Variants in GTF2F2 observed in about 807,000 individuals in gnomAD.
GTF2F2 encodes ATP-dependent helicase GTF2F2.
In GTF2F2, 23 loss-of-function variants were observed where a neutral mutation model predicts 42.2. The ratio of observed to expected loss-of-function variants is 0.55; its 90% CI spans 0.39 to 0.77. The LOEUF is 0.77. Ranked by LOEUF, GTF2F2 falls within the 30% of genes least tolerant of loss-of-function variation. The probability of loss-of-function intolerance (pLI) is 0.00; values close to 1 mark genes in which losing one functional copy is unlikely to be tolerated. For missense variants in GTF2F2, 261 were observed against 287.2 expected (o/e 0.91, Z 0.66); for synonymous variants, 105 against 100.8 (o/e 1.04, Z -0.25).
intron 4 of GTF2F2, among the ~76,000 whole-genome samples, chr13:45,184,074 G>A (rs1264169758): frequency 6.6e-6 from 1 of 151,892 alleles, no homozygotes; most frequent in Non-Finnish European, 1.5e-5. Flanking sequence ...GGCCAGGCTG[G>A]TCTTGAACTC....
intron 4 of GTF2F2, among the ~76,000 whole-genome samples, chr13:45,185,787 G>T (rs533153992): frequency 6.6e-6 from 1 of 152,012 alleles, no homozygotes; most frequent in East Asian, 1.9e-4. Flanking sequence ...TCTTCTGTTT[G>T]GTGTCTCTCT....
intron 5 of GTF2F2, among the ~76,000 whole-genome samples, chr13:45,232,922 T>C (rs1874760675): frequency 6.6e-6 from 1 of 152,242 alleles, no homozygotes; most frequent in Non-Finnish European, 1.5e-5. Flanking sequence ...TTCATGGTTA[T>C]AGTGTTTACA....
At chr13:45,230,365 G>A (rs1874613524) in intron 5 of GTF2F2, among the ~76,000 whole-genome samples, 1 of 152,184 alleles carries the variant, frequency 6.6e-6, no homozygotes, top group Non-Finnish European at 1.5e-5. Context: ...GGAAAGGGTG[G>A]TTGGAGGAGA....
At chr13:45,145,508 C>T (rs1870147880) in intron 2 of GTF2F2, among the ~76,000 whole-genome samples, 6 of 152,120 alleles carry the variant, frequency 3.9e-5, no homozygotes, top group Admixed American at 3.9e-4. Flanking sequence ...AGCATATGTA[C>T]ACACACACAT....
At position 45,262,902 on chromosome 13, in the gene GTF2F2, A is replaced by G. The variant is rs927805375; in HGVS notation, c.487-4331A>G. Among the ~76,000 whole-genome samples, 6 of 151,082 alleles carry G rather than the reference A, an allele frequency of 4.0e-5. No homozygotes were observed. The East Asian group carries it at 1.2e-3, about 30-fold the overall frequency. ...TGGGACTACAGGCTCGTTCATGGCT[A>G]ATTTTGTAGAGATGGGTCTCACTTT... On this transcript the variant is annotated intron_variant, in intron 6 of 7. Coordinates refer to ENST00000340473, the MANE Select transcript of GTF2F2 (RefSeq NM_004128.3).
chr13:45,198,283 C>T lies in GTF2F2; in HGVS notation c.305-9141C>T, dbSNP rs147805587. ...ATGGGAAATGAGGTCTTTGTCATCCCGTGATTGATGCAGGACATCATTGTA... is the reference window on the plus strand; with the variant it reads ...ATGGGAAATGAGGTCTTTGTCATCCTGTGATTGATGCAGGACATCATTGTA... On this transcript the variant is annotated intron_variant, in intron 4 of 7. Coordinates refer to ENST00000340473, the MANE Select transcript of GTF2F2 (RefSeq NM_004128.3). Among the ~76,000 whole-genome samples the T allele has an allele frequency of 1.7e-3, 260 of 152,312 alleles. 1 individual carries two copies. Among genetic ancestry groups the T allele is most frequent in the African/African-American group, 5.9e-3 (247 of 41,566 alleles).
At chr13:45,219,813 T>C (rs1288631284) in intron 5 of GTF2F2, among the ~76,000 whole-genome samples, 2 of 152,240 alleles carry the variant, frequency 1.3e-5, no homozygotes, top group Non-Finnish European at 1.5e-5. Context: ...CTTGAAAGCC[T>C]CAAAATGTCT....
At chr13:45,225,437 A>C (rs1874296679) in intron 5 of GTF2F2, among the ~76,000 whole-genome samples, 1 of 150,290 alleles carries the variant, frequency 6.7e-6, no homozygotes, top group Non-Finnish European at 1.5e-5. Context: ...ACCAATAATT[A>C]ATCTTTCCTA....
At chr13:45,245,798 G>A (rs1243752547) in intron 5 of GTF2F2, among the ~76,000 whole-genome samples, 2 of 145,556 alleles carry the variant, frequency 1.4e-5, no homozygotes, top group Non-Finnish European at 3.0e-5. Flanking sequence ...AAAATTAGCC[G>A]GGCGTGGTGG....
At position 45,267,362 on chromosome 13, in the gene GTF2F2, A is replaced by G; in HGVS notation, c.616A>G (p.Thr206Ala). 6.2e-7 allele frequency: 1 copy of G among 1,608,184 alleles called. No individual in the cohort carries two copies. Among genetic ancestry groups the G allele is most frequent in the Non-Finnish European group, 8.5e-7 (1 of 1,176,028 alleles). Residue 206 changes from threonine (T) to alanine (A), a missense_variant, in exon 7 of 8, where the codon ACA becomes GCA. Transcript: ENST00000340473. Reference protein sequence around the residue: ...YYNLKDLVDITKQPVVYLKEI... With the variant: ...YYNLKDLVDIAKQPVVYLKEI... ...TAATCTTAAGGACTTGGTGGACATC[A>G]CAAAGCAACCTGTGGTATGTATATG...
chr13:45,149,584 T>G (rs1442192917), intron 2 of GTF2F2, among the ~76,000 whole-genome samples, 186 bp from the exon 3 acceptor site: 1 of 152,176 alleles, frequency 6.6e-6, no homozygotes, highest in Non-Finnish European at 1.5e-5. Context: ...GTGTGATTAA[T>G]GTGAGTTTAT....
At chr13:45,228,529 T>C (rs115852307) in intron 5 of GTF2F2, among the ~76,000 whole-genome samples, 1,792 of 145,730 alleles carry the variant, frequency 0.012, 30 homozygotes, top group African/African-American at 0.038. Flanking sequence ...AGCATTTGTC[T>C]GCTTACCATG....
At chr13:45,130,489 A>G (rs1327758408) in intron 1 of GTF2F2, among the ~76,000 whole-genome samples, 1 of 152,216 alleles carries the variant, frequency 6.6e-6, no homozygotes, top group Non-Finnish European at 1.5e-5. Context: ...AATAAACTGT[A>G]CATGGGCAAA....
rs371118409 is a variant in GTF2F2, at chr13:45,269,327, G to A, written c.630+1951G>A. ...AGATGGATTTTGGCAGGCCTCTCACGTCATTTATAGTGAGGTTGGGGCAAA... is the reference window on the plus strand; with the variant it reads ...AGATGGATTTTGGCAGGCCTCTCACATCATTTATAGTGAGGTTGGGGCAAA... On this transcript the variant is annotated intron_variant, in intron 7 of 7. Transcript: ENST00000340473. Among the ~76,000 whole-genome samples the A allele has an allele frequency of 5.9e-5, 9 of 152,312 alleles. No individual in the cohort carries two copies. In the East Asian group the frequency reaches 9.6e-4, roughly 16 times the overall value.
At chr13:45,168,899 CCCTCCCT>C (rs1165141782) in intron 4 of GTF2F2, among the ~76,000 whole-genome samples, 59 of 398 alleles carry the variant, frequency 0.15, 4 homozygotes, top group African/African-American at 0.31. Flanking sequence ...CTCCCTCCCT[CCCTCCCT>C]CCTCCTTCCT....
At chr13:45,202,955 T>C (rs1373884614) in intron 4 of GTF2F2, among the ~76,000 whole-genome samples, 1 of 152,170 alleles carries the variant, frequency 6.6e-6, no homozygotes, top group African/African-American at 2.4e-5. Flanking sequence ...GAGTGAGACA[T>C]CATCTCAGAA....
intron 7 of GTF2F2, among the ~76,000 whole-genome samples, chr13:45,268,575 A>G (rs2138265937): frequency 6.6e-6 from 1 of 152,270 alleles, no homozygotes; most frequent in African/African-American, 2.4e-5. Flanking sequence ...AAAGCCTTAG[A>G]AACAGCATTC....
At position 45,203,693 on chromosome 13, in the gene GTF2F2, A is replaced by G. The variant is rs1245882876; in HGVS notation, c.305-3731A>G. ...AAAACTAATATAGACAAGTTCTAGC[A>G]TCGTTTGAGCAGACGTGTGTGGGAG... On this transcript the variant is annotated intron_variant, in intron 4 of 7. Transcript: ENST00000340473. Among the ~76,000 whole-genome samples, 37 of 152,314 alleles carry G rather than the reference A, an allele frequency of 2.4e-4. No individual in the cohort carries two copies. In the East Asian group the frequency reaches 6.9e-3, roughly 29 times the overall value.
At chr13:45,171,133 A>C (rs1158593257) in intron 4 of GTF2F2, among the ~76,000 whole-genome samples, 1 of 131,538 alleles carries the variant, frequency 7.6e-6, no homozygotes, top group Non-Finnish European at 1.5e-5. Context: ...ACTGCAGTGC[A>C]GTAATTCGAT....
Sources: gnomAD v4.1 joint callset for allele counts (sites outside exome capture counted in the v4.1 genomes callset) on GRCh38, gnomAD v4.1.1 for gene constraint, MANE v1.5 for transcripts, NCBI Gene and HGNC (gene_info 2026-07-23, HGNC 2026-07-21) for gene names.